The following VPS13B variants were observed in gnomAD, a reference collection of about 807,000 sequenced individuals.
The protein encoded by VPS13B is intermembrane lipid transfer protein VPS13B.
Under a neutral mutation model 426.4 loss-of-function variants are expected in VPS13B, and 285 were observed. That is an observed-to-expected ratio of 0.67 (90% confidence interval 0.61 to 0.74). VPS13B has a LOEUF of 0.74. Ranked by LOEUF, VPS13B falls within the 30% of genes least tolerant of loss-of-function variation. VPS13B has a pLI of 0.00. For missense variants in VPS13B, 4,537 were observed against 4,782.6 expected (o/e 0.95, Z 1.51); for synonymous variants, 1,676 against 1,676.4 (o/e 1.00, Z 0.01).
At chr8:99,713,864 G>A (rs1417798796) in intron 36 of VPS13B, among the ~76,000 whole-genome samples, 4 of 152,236 alleles carry the variant, frequency 2.6e-5, no homozygotes, top group Non-Finnish European at 5.9e-5. Context: ...CATAGGCCAG[G>A]TGCAGTGGCT....
chr8:99,787,526 T>C (rs750922558), intron 43 of VPS13B, among the ~76,000 whole-genome samples: 1 of 152,164 alleles, frequency 6.6e-6, no homozygotes, highest in Non-Finnish European at 1.5e-5. Flanking sequence ...CTCTTAAATA[T>C]TCCAATTCAG....
chr8:99,576,517 T>G (rs1207055139), intron 32 of VPS13B, among the ~76,000 whole-genome samples: 1 of 152,064 alleles, frequency 6.6e-6, no homozygotes, highest in Non-Finnish European at 1.5e-5. Context: ...AAAAGGATAA[T>G]TATTTCAGAC....
At chr8:99,870,398 C>T (rs984845088) in intron 59 of VPS13B, among the ~76,000 whole-genome samples, 10 of 152,078 alleles carry the variant, frequency 6.6e-5, no homozygotes, top group Non-Finnish European at 1.5e-4. Context: ...AGCAATCCTC[C>T]CACCTTGATT....
chr8:99,773,865 ACTTTT>A (rs939543418), intron 40 of VPS13B, among the ~76,000 whole-genome samples: 13 of 152,130 alleles, frequency 8.5e-5, no homozygotes, highest in African/African-American at 3.1e-4. Context: ...GATATTTTTT[ACTTTT>A]CTTTTTCTGC....
chr8:99,276,047 C>G (rs1818879208), intron 19 of VPS13B, among the ~76,000 whole-genome samples: 1 of 152,114 alleles, frequency 6.6e-6, no homozygotes, highest in South Asian at 2.1e-4. Context: ...TAACATTATT[C>G]AACAAGTACT....
chr8:99,773,092 A>C (rs919807308), intron 40 of VPS13B, among the ~76,000 whole-genome samples: 5 of 152,184 alleles, frequency 3.3e-5, no homozygotes, highest in African/African-American at 1.2e-4. Context: ...GTTTTTAATC[A>C]AGTGGTGGAC....
chr8:99,529,599 C>T (rs979147288), intron 30 of VPS13B, among the ~76,000 whole-genome samples: 1 of 152,060 alleles, frequency 6.6e-6, no homozygotes, highest in East Asian at 1.9e-4. Context: ...TGTTTTCTTC[C>T]GTGAAATAGT....
At position 99,785,099 on chromosome 8, in the gene VPS13B, T is replaced by C. The variant is rs1338961627; in HGVS notation, c.7941+623T>C. ...CAAAGGATGTCTGTTTTCCAAGTAG[T>C]GTAATTTCATTTTCCTGTCCCTTTA... On this transcript the variant is annotated intron_variant, in intron 43 of 61. Coordinates refer to ENST00000357162, the MANE Select transcript of VPS13B (RefSeq NM_152564.5). Among the ~76,000 whole-genome samples the C allele has an allele frequency of 3.9e-5, 6 of 152,154 alleles. No homozygotes were observed. The East Asian group carries it at 7.7e-4, about 20-fold the overall frequency.
At chr8:99,147,476 G>C (rs1810800691) in intron 13 of VPS13B, among the ~76,000 whole-genome samples, 1 of 152,078 alleles carries the variant, frequency 6.6e-6, no homozygotes, top group South Asian at 2.1e-4. Context: ...CATGGAGCTG[G>C]ATCTTCCCCC....
At chr8:99,800,698 C>T (rs1813077422) in intron 43 of VPS13B, among the ~76,000 whole-genome samples, 1 of 151,978 alleles carries the variant, frequency 6.6e-6, no homozygotes, top group Non-Finnish European at 1.5e-5. Flanking sequence ...CTACTATTTT[C>T]CCCACTTTTC....
At chr8:99,258,145 A>G (rs1003976297) in intron 17 of VPS13B, among the ~76,000 whole-genome samples, 4 of 151,766 alleles carry the variant, frequency 2.6e-5, no homozygotes, top group African/African-American at 7.2e-5. Flanking sequence ...ACCAAATAAC[A>G]TTATTATTTT....
Position 99,520,942 on chromosome 8 carries a change from C to T in VPS13B, c.4677C>T (p.Gly1559=). The T allele has an allele frequency of 1.9e-6, 3 of 1,613,800 alleles. No homozygotes were observed. Among genetic ancestry groups the T allele is most frequent in the Non-Finnish European group, 2.5e-6 (3 of 1,179,748 alleles). The stretch of plus-strand genomic sequence containing the variant: ...AAGACACTGTGGTTTTGAAGATTGG[C>T]TCTGTTGCCATGGCTCCCCAGGCTG... ...AKEDTVVLKI[G]SVAMAPQADN... The change falls in exon 30 of 62, where the codon GGC becomes GGT. Residue 1559 remains glycine (G), a synonymous_variant. Coordinates refer to ENST00000357162, the MANE Select transcript of VPS13B (RefSeq NM_152564.5).
intron 12 of VPS13B, among the ~76,000 whole-genome samples, chr8:99,140,198 C>T (rs1427557729): frequency 6.6e-6 from 1 of 151,800 alleles, no homozygotes; most frequent in African/African-American, 2.4e-5. Context: ...AACCCCTTCT[C>T]TACTAAAAAT....
At chr8:99,526,202 A>G (rs1438009621) in intron 30 of VPS13B, among the ~76,000 whole-genome samples, 1 of 152,200 alleles carries the variant, frequency 6.6e-6, no homozygotes, top group Admixed American at 6.5e-5. Context: ...AATTAAGAAC[A>G]AATGGAAGTG....
intron 53 of VPS13B, 61 bp downstream of exon 53, chr8:99,835,385 G>A (rs777782176): frequency 7.7e-6 from 12 of 1,560,470 alleles, no homozygotes; most frequent in Non-Finnish European, 1.1e-5. Flanking sequence ...GGGATTTTTT[G>A]ATTTAGTAGT....
chr8:99,317,922 T>C (rs1015823719), intron 19 of VPS13B, among the ~76,000 whole-genome samples: 1 of 152,158 alleles, frequency 6.6e-6, no homozygotes, highest in African/African-American at 2.4e-5. Flanking sequence ...TAATAGGGGA[T>C]ATCTGTTTTA....
intron 35 of VPS13B, among the ~76,000 whole-genome samples, chr8:99,669,587 A>C (rs1259383836): frequency 6.6e-6 from 1 of 152,174 alleles, no homozygotes; most frequent in Non-Finnish European, 1.5e-5. Context: ...ATGCAATTTC[A>C]CATTTCTTTT....
intron 30 of VPS13B, among the ~76,000 whole-genome samples, chr8:99,552,356 G>A (rs1824323243): frequency 6.6e-6 from 1 of 152,040 alleles, no homozygotes; most frequent in African/African-American, 2.4e-5. Context: ...ATCTGTGGAA[G>A]TTCTTTGAGT....
intron 33 of VPS13B, among the ~76,000 whole-genome samples, chr8:99,599,213 T>C (rs1246971616): frequency 6.6e-6 from 1 of 152,044 alleles, no homozygotes; most frequent in African/African-American, 2.4e-5. Context: ...AGTCAGCCCC[T>C]GTCCTCTCAA....
Sources: gnomAD v4.1 joint callset for allele counts (sites outside exome capture counted in the v4.1 genomes callset) on GRCh38, gnomAD v4.1.1 for gene constraint, MANE v1.5 for transcripts, NCBI Gene and HGNC (gene_info 2026-07-23, HGNC 2026-07-21) for gene names.